Variants in GTF2B observed in about 807,000 individuals in gnomAD.
The protein encoded by GTF2B is general transcription factor IIB.
A neutral mutation model predicts 34.6 loss-of-function variants in GTF2B; 20 were observed. That is an observed-to-expected ratio of 0.58 (90% CI 0.41 to 0.84). The LOEUF (loss-of-function observed/expected upper bound fraction) is 0.84. Ranked by LOEUF, GTF2B falls within the 40% of genes least tolerant of loss-of-function variation. The pLI is 0.00. For missense variants in GTF2B, 237 were observed against 393.3 expected (o/e 0.60, Z 3.36); for synonymous variants, 142 against 132.4 (o/e 1.07, Z -0.50).
chr1:88,865,072 CAG>C (rs1273834462), intron 2 of GTF2B, among the ~76,000 whole-genome samples: 1 of 152,016 alleles, frequency 6.6e-6, no homozygotes, highest in Non-Finnish European at 1.5e-5. Flanking sequence ...ACACAGCAAA[CAG>C]AAAGAAACAA....
At chr1:88,859,792 C>A in intron 5 of GTF2B, 90 bp downstream of exon 5, 2 of 1,123,988 alleles carry the variant, frequency 1.8e-6, no homozygotes, top group Non-Finnish European at 2.6e-6. Flanking sequence ...GTCAAGATTG[C>A]GCCACTGCAC....
At chr1:88,870,410 A>G (rs1557656997) in intron 2 of GTF2B, among the ~76,000 whole-genome samples, 1 of 152,176 alleles carries the variant, frequency 6.6e-6, no homozygotes, top group Non-Finnish European at 1.5e-5. Flanking sequence ...ATGACACCAA[A>G]CCTATATATT....
rs567290321 is a variant in GTF2B at position 88,859,718 on chromosome 1, C to A, written c.535+164G>T. Among the ~76,000 whole-genome samples, 143 of 152,238 alleles carry A rather than the reference C, an allele frequency of 9.4e-4. 2 individuals are homozygous for A. In the Middle Eastern group the frequency reaches 0.017, roughly 18 times the overall value. ...AGGTGTGGTGGCACATGCCTGTAATCCCAGCTACTCAGGAGGCTGAGGCAG... is the reference window on the plus strand; with the variant it reads ...AGGTGTGGTGGCACATGCCTGTAATACCAGCTACTCAGGAGGCTGAGGCAG... On this transcript the variant is annotated intron_variant, in intron 5 of 6. Coordinates refer to ENST00000370500, the MANE Select transcript of GTF2B (RefSeq NM_001514.6).
At chr1:88,880,641 G>A (rs1451404312) in intron 2 of GTF2B, among the ~76,000 whole-genome samples, 3 of 152,144 alleles carry the variant, frequency 2.0e-5, no homozygotes, top group Non-Finnish European at 2.9e-5. Flanking sequence ...AGAACAATGG[G>A]ATGAAAGGAT....
At chr1:88,882,919 A>G (rs1356872132) in intron 2 of GTF2B, among the ~76,000 whole-genome samples, 1 of 152,230 alleles carries the variant, frequency 6.6e-6, no homozygotes, top group Non-Finnish European at 1.5e-5. Flanking sequence ...GTGAAAACAA[A>G]TTTTGAAATA....
chr1:88,885,394 C>T (rs578233990), intron 2 of GTF2B, among the ~76,000 whole-genome samples: 5 of 151,738 alleles, frequency 3.3e-5, no homozygotes, highest in African/African-American at 7.3e-5. Flanking sequence ...GAGCTGGGAT[C>T]GCACCACGGC....
rs1557664430 is a variant in GTF2B, at chr1:88,891,438, T to TCGCGCC, written c.17+39_17+44dup. On this transcript the variant is annotated intron_variant, in intron 1 of 6. Transcript: ENST00000370500. Reference sequence around the variant, plus strand: ...GAGGCCGCCTAAAAGCCGGCGGCGCTCGCGCCCGCCCCTCAGCTCGCCGGG... The same window carrying TCGCGCC: ...GAGGCCGCCTAAAAGCCGGCGGCGCTCGCGCCCGCGCCCGCCCCTCAGCTCGCCGGG... The TCGCGCC allele has an allele frequency of 6.4e-6, 10 of 1,553,936 alleles. No individual in the cohort carries two copies. In the South Asian group the frequency reaches 1.0e-4, roughly 16 times the overall value.
In GTF2B at chr1:88,853,259, G is replaced by A. The variant is rs1343043074; in HGVS notation, c.905C>T (p.Thr302Ile). 3.7e-6 allele frequency: 6 copies of A among 1,612,922 alleles called. No individual in the cohort carries two copies. In the African/African-American group the frequency reaches 5.3e-5, roughly 14 times the overall value. The stretch of plus-strand genomic sequence containing the variant: ...CACTGGGGTGTCAAATTTGAAGTCT[G>A]TAGGAAACAGATCTGGGGCTCGAGG... Reference protein sequence around the residue: ...IYPRAPDLFPTDFKFDTPVDK... With the variant: ...IYPRAPDLFPIDFKFDTPVDK... The change falls in exon 7 of 7, where the codon ACA (threonine) becomes ATA (isoleucine). Residue 302 changes from threonine (T) to isoleucine (I), a missense_variant. Physicochemically the swap from Thr to Ile is moderately conservative, Grantham distance 89. Coordinates refer to ENST00000370500, the MANE Select transcript of GTF2B (RefSeq NM_001514.6).
chr1:88,872,748 T>C (rs1180325302), intron 2 of GTF2B, among the ~76,000 whole-genome samples: 1 of 152,220 alleles, frequency 6.6e-6, no homozygotes, highest in Non-Finnish European at 1.5e-5. Context: ...TCTGCTTTAC[T>C]GATTTAGTTT....
intron 2 of GTF2B, among the ~76,000 whole-genome samples, chr1:88,885,617 G>A (rs1674049242): frequency 3.3e-5 from 5 of 152,050 alleles, no homozygotes; most frequent in African/African-American, 1.2e-4. Flanking sequence ...GGGCATGGTG[G>A]CACATGCCTG....
chr1:88,856,282 AAAAAAAAAC>A (rs1557652111), intron 6 of GTF2B, among the ~76,000 whole-genome samples: 34 of 118,510 alleles, frequency 2.9e-4, no homozygotes, highest in African/African-American at 5.5e-4. Flanking sequence ...CAAAAAAAAA[AAAAAAAAAC>A]AAAAAAAAAA....
rs925764105 is a variant in GTF2B, at chr1:88,859,027, C to T, written c.535+855G>A. Among the ~76,000 whole-genome samples the T allele has an allele frequency of 2.0e-5, 3 of 152,012 alleles. No individual in the cohort carries two copies. In the South Asian group the frequency reaches 6.2e-4, roughly 32 times the overall value. On this transcript the variant is annotated intron_variant, in intron 5 of 6. Transcript: ENST00000370500. ...GGACTACAGGCGCGCACCACCACGC[C>T]TGGCTAATTTTTGTATTTTTAGTAG...
chr1:88,858,377 T>A (rs1454083182), intron 5 of GTF2B, among the ~76,000 whole-genome samples: 1 of 152,152 alleles, frequency 6.6e-6, no homozygotes, highest in African/African-American at 2.4e-5. Context: ...AAATGAAAAA[T>A]TCTTTGATGT....
At chr1:88,885,391 G>A (rs1570737661) in intron 2 of GTF2B, among the ~76,000 whole-genome samples, 2 of 152,004 alleles carry the variant, frequency 1.3e-5, no homozygotes, top group South Asian at 4.1e-4. Flanking sequence ...AGTGAGCTGG[G>A]ATCGCACCAC....
chr1:88,864,194 C>A, intron 2 of GTF2B, 80 bp from the exon 3 acceptor site: 1 of 1,278,072 alleles, frequency 7.8e-7, no homozygotes, highest in Non-Finnish European at 1.1e-6. Context: ...CCAACTAAGC[C>A]ATTTTATTCC....
Position 88,856,489 on chromosome 1 carries a change from G to A in GTF2B, c.817+717C>T, listed in dbSNP as rs557540558. Among the ~76,000 whole-genome samples the A allele has an allele frequency of 1.4e-4, 22 of 152,112 alleles. No homozygotes were observed. The East Asian group carries it at 3.9e-3, about 27-fold the overall frequency. On this transcript the variant is annotated intron_variant, in intron 6 of 6. Coordinates refer to ENST00000370500, the MANE Select transcript of GTF2B (RefSeq NM_001514.6). Reference sequence around the variant, plus strand: ...AATGTTAAAGGCTGATGGCCAACACGTATTTTACAGTGTGTCTATCTGTAG... The same window carrying A: ...AATGTTAAAGGCTGATGGCCAACACATATTTTACAGTGTGTCTATCTGTAG...
At chr1:88,877,178 AT>A (rs2100975426) in intron 2 of GTF2B, among the ~76,000 whole-genome samples, 1 of 152,114 alleles carries the variant, frequency 6.6e-6, no homozygotes, top group East Asian at 1.9e-4. Flanking sequence ...CCATTTATAT[AT>A]TCATATTTCA....
At chr1:88,873,406 G>A (rs1385253200) in intron 2 of GTF2B, among the ~76,000 whole-genome samples, 1 of 151,700 alleles carries the variant, frequency 6.6e-6, no homozygotes, top group East Asian at 1.9e-4. Context: ...TCAACATGTT[G>A]GTCAGGCTGG....
intron 2 of GTF2B, among the ~76,000 whole-genome samples, chr1:88,874,525 T>A (rs1673771605): frequency 1.2e-5 from 1 of 83,628 alleles, no homozygotes; most frequent in African/African-American, 4.0e-5. Flanking sequence ...TTTTTTTTTT[T>A]ACAGACACCG....
Sources: gnomAD v4.1 joint callset for allele counts (sites outside exome capture counted in the v4.1 genomes callset) on GRCh38, gnomAD v4.1.1 for gene constraint, MANE v1.5 for transcripts, NCBI Gene and HGNC (gene_info 2026-07-23, HGNC 2026-07-21) for gene names.